CCDC63: variants seen among roughly 807,000 people sequenced by gnomAD.
CCDC63 encodes the protein coiled-coil domain containing 63.
In CCDC63, 54 loss-of-function variants were observed where a neutral mutation model predicts 63.6. That is an observed-to-expected ratio of 0.85 (90% CI 0.68 to 1.07). The LOEUF (loss-of-function observed/expected upper bound fraction) is 1.07. Among genes scored for constraint, CCDC63 ranks in the 50% least tolerant of loss-of-function variants. CCDC63 has a pLI of 0.00. For synonymous variants in CCDC63, 253 were observed against 266.1 expected (o/e 0.95, Z 0.48); for missense variants, 637 against 689.6 (o/e 0.92, Z 0.86).
chr12:110,854,781 T>A (rs756838), intron 3 of CCDC63, among the ~76,000 whole-genome samples: 87,842 of 152,004 alleles, frequency 0.58, 26,313 homozygotes, highest in Admixed American at 0.66. Flanking sequence ...GTTCACAGGA[T>A]GGGGAAAAGG....
At position 110,899,141 on chromosome 12, in the gene CCDC63, G is replaced by A. The variant is rs1292537497; in HGVS notation, c.1342+16G>A. On this transcript the variant is annotated intron_variant, in intron 10 of 11. Transcript: ENST00000308208. ...CAGTATTTTGGTGAGTCAAGCTGGG[G>A]CCCGTTGGAGTCTTAGGAAACATTT... 3.1e-6 allele frequency: 5 copies of A among 1,599,272 alleles called. No individual in the cohort carries two copies. Among genetic ancestry groups the A allele is most frequent in the Non-Finnish European group, 1.7e-6 (2 of 1,172,010 alleles).
At chr12:110,881,051 G>A in intron 6 of CCDC63, 64 bp from the exon 7 acceptor site, 2 of 1,448,768 alleles carry the variant, frequency 1.4e-6, no homozygotes. Flanking sequence ...TTCTGGACTG[G>A]CAGGGAAAGG....
At chr12:110,873,358 A>T (rs1261574998) in intron 4 of CCDC63, among the ~76,000 whole-genome samples, 3 of 152,244 alleles carry the variant, frequency 2.0e-5, no homozygotes, top group African/African-American at 4.8e-5. Flanking sequence ...GCCTGGTGCT[A>T]TCTCACATGT....
intron 6 of CCDC63, among the ~76,000 whole-genome samples, chr12:110,880,374 GT>G (rs2071184192): frequency 6.6e-6 from 1 of 152,172 alleles, no homozygotes; most frequent in Admixed American, 6.5e-5. Flanking sequence ...CAGGTAAGTG[GT>G]GATTGTGGTG....
chr12:110,859,920 A>C (rs1374988006), intron 4 of CCDC63, among the ~76,000 whole-genome samples: 4 of 143,594 alleles, frequency 2.8e-5, no homozygotes, highest in Admixed American at 7.0e-5. Flanking sequence ...CCCTTCCCCC[A>C]CTCCCGCTTG....
intron 9 of CCDC63, among the ~76,000 whole-genome samples, chr12:110,897,567 C>T (rs890844818): frequency 3.3e-5 from 5 of 152,094 alleles, no homozygotes; most frequent in African/African-American, 9.7e-5. Flanking sequence ...GACTGCACTC[C>T]AGCCTGGGTG....
intron 4 of CCDC63, among the ~76,000 whole-genome samples, chr12:110,860,739 A>C (rs1236631395): frequency 1.3e-5 from 2 of 151,564 alleles, no homozygotes; most frequent in East Asian, 1.9e-4. Flanking sequence ...ACAGGCAGGC[A>C]CCCCCACGCC....
chr12:110,865,464 C>CAAAAAAAAAAAAAAAAGAAAAA (rs2070930988), intron 4 of CCDC63, among the ~76,000 whole-genome samples: 1 of 102,338 alleles, frequency 9.8e-6, no homozygotes, highest in Non-Finnish European at 2.0e-5. Context: ...CAGCATATAC[C>CAAAAAAAAAAAAAAAAGAAAAA]AAAAAAAAAA....
intron 4 of CCDC63, among the ~76,000 whole-genome samples, chr12:110,870,235 C>G (rs866019166): frequency 6.6e-6 from 1 of 152,252 alleles, no homozygotes; most frequent in South Asian, 2.1e-4. Flanking sequence ...GCGCCCACCA[C>G]CATGCCTGGC....
intron 10 of CCDC63, among the ~76,000 whole-genome samples, chr12:110,901,546 T>G (rs2071487636): frequency 6.6e-6 from 1 of 151,904 alleles, no homozygotes; most frequent in East Asian, 1.9e-4. Context: ...TCTTTCTGTT[T>G]TTTTGTATTC....
rs182485945 is a variant in CCDC63 at position 110,848,548 on chromosome 12, G to A, written c.-97+1443G>A. Among the ~76,000 whole-genome samples, 135 of 152,304 alleles carry A rather than the reference G, an allele frequency of 8.9e-4. 1 individual carries two copies. The highest frequency in any genetic ancestry group is 3.1e-3 in the African/African-American group (130 of 41,570). On this transcript the variant is annotated intron_variant, in intron 1 of 11. Coordinates refer to ENST00000308208, the MANE Select transcript of CCDC63 (RefSeq NM_152591.3). ...CAGCAAAAAGGCAGGAGGTGATGGA[G>A]CTTTTGGTTCCTGGAGAATGGTGCA...
intron 8 of CCDC63, among the ~76,000 whole-genome samples, chr12:110,890,939 G>C (rs2071349534): frequency 6.6e-6 from 1 of 151,648 alleles, no homozygotes; most frequent in African/African-American, 2.4e-5. Flanking sequence ...CACTACATCT[G>C]GCTAATTTTT....
intron 10 of CCDC63, among the ~76,000 whole-genome samples, chr12:110,903,967 T>C (rs1251162173): frequency 6.6e-6 from 1 of 152,190 alleles, no homozygotes; most frequent in Non-Finnish European, 1.5e-5. Context: ...TCTAGACATA[T>C]TTTCCTAATT....
intron 6 of CCDC63, among the ~76,000 whole-genome samples, chr12:110,880,715 T>G (rs1593674277): frequency 9.7e-6 from 1 of 102,720 alleles, no homozygotes; most frequent in Non-Finnish European, 2.1e-5. Flanking sequence ...ATGGTGATGG[T>G]GATGATGGTT....
intron 11 of CCDC63, among the ~76,000 whole-genome samples, chr12:110,906,400 A>G (rs2071583880): frequency 1.3e-5 from 2 of 151,070 alleles, no homozygotes; most frequent in South Asian, 4.2e-4. Context: ...TGCATAAAAA[A>G]CCAAACAGAG....
chr12:110,888,472 C>G (rs925454283), intron 8 of CCDC63, among the ~76,000 whole-genome samples: 1 of 152,164 alleles, frequency 6.6e-6, no homozygotes, highest in Non-Finnish European at 1.5e-5. Context: ...CTCAGTTTCC[C>G]CATCTGTAGA....
At chr12:110,882,454 G>C (rs1456385061) in intron 7 of CCDC63, among the ~76,000 whole-genome samples, 1 of 152,024 alleles carries the variant, frequency 6.6e-6, no homozygotes, top group Non-Finnish European at 1.5e-5. Flanking sequence ...GTCTGATGGT[G>C]ACAAGGTGCT....
At chr12:110,906,484 C>A (rs776964547) in intron 11 of CCDC63, among the ~76,000 whole-genome samples, 1 of 151,894 alleles carries the variant, frequency 6.6e-6, no homozygotes, top group Non-Finnish European at 1.5e-5. Context: ...CTAAGTTAAA[C>A]AATTCTGTAT....
At chr12:110,860,877 C>T (rs773581552) in intron 4 of CCDC63, among the ~76,000 whole-genome samples, 7 of 152,206 alleles carry the variant, frequency 4.6e-5, no homozygotes, top group East Asian at 1.9e-4. Context: ...GCGTGAGCCG[C>T]GGCATGCAGC....
Sources: allele counts gnomAD v4.1 joint callset (sites outside exome capture counted in the v4.1 genomes callset), GRCh38; gene constraint gnomAD v4.1.1; transcripts MANE v1.5; gene names NCBI Gene and HGNC (gene_info 2026-07-23, HGNC 2026-07-21).